SIN3A: variants seen among roughly 807,000 people sequenced by gnomAD.
The protein encoded by SIN3A is SIN3 transcription regulator family member A.
In SIN3A, 14 loss-of-function variants were observed where a neutral mutation model predicts 146.1. The observed-to-expected ratio is 0.10, with a 90% CI of 0.06 to 0.15. The LOEUF is 0.15. Ranked by LOEUF, SIN3A falls within the 10% of genes least tolerant of loss-of-function variation. SIN3A has a pLI of 1.00. For synonymous variants in SIN3A, 572 were observed against 572.0 expected, an observed-to-expected ratio of 1.00 and a Z score of 0.00; for missense variants, 1,028 against 1,576.0, an observed-to-expected ratio of 0.65 and a Z score of 5.89.
intron 2 of SIN3A, among the ~76,000 whole-genome samples, chr15:75,428,057 G>T (rs889673197): frequency 6.0e-5 from 9 of 150,940 alleles, no homozygotes; most frequent in African/African-American, 2.2e-4. Context: ...AATAAAAAAG[G>T]GCAAAAACCA....
chr15:75,376,917 C>T (rs2072872945), intron 19 of SIN3A, among the ~76,000 whole-genome samples: 1 of 148,630 alleles, frequency 6.7e-6, no homozygotes, highest in Non-Finnish European at 1.5e-5. Context: ...CAGTGAGAAT[C>T]TTTGTATACA....
rs1394724165 is a variant in SIN3A at position 75,409,820 on chromosome 15, T to G, written c.1317+16A>C. Reference sequence around the variant, plus strand: ...ACTTGTGAGTGTCAAAATGAGCAGCTGCTGCCCATTCTCACCTTAACTGGA... The same window carrying G: ...ACTTGTGAGTGTCAAAATGAGCAGCGGCTGCCCATTCTCACCTTAACTGGA... On this transcript the variant is annotated intron_variant, in intron 8 of 20. Coordinates refer to ENST00000394947, the MANE Select transcript of SIN3A (RefSeq NM_001145358.2). The G allele has an allele frequency of 1.5e-5, 24 of 1,610,364 alleles. No homozygotes were observed. The highest frequency in any genetic ancestry group is 2.0e-5 in the Non-Finnish European group (24 of 1,178,558).
At chr15:75,433,952 G>C (rs1028190460) in intron 1 of SIN3A, among the ~76,000 whole-genome samples, 5 of 152,146 alleles carry the variant, frequency 3.3e-5, no homozygotes, top group Non-Finnish European at 5.9e-5. Context: ...TTATAAGCAA[G>C]GTGTTCTCTA....
chr15:75,399,443 G>T (rs1380386663), intron 12 of SIN3A, among the ~76,000 whole-genome samples: 5 of 152,134 alleles, frequency 3.3e-5, no homozygotes, highest in Middle Eastern at 3.4e-3. Flanking sequence ...CAGGAGAATG[G>T]CATGAACCTG....
intron 6 of SIN3A, among the ~76,000 whole-genome samples, chr15:75,410,548 T>C (rs796582146): frequency 4.6e-5 from 7 of 151,932 alleles, no homozygotes; most frequent in Non-Finnish European, 7.4e-5. Context: ...GGAGTGCACT[T>C]GTCTCGGCCT....
At chr15:75,433,951 A>C (rs1475389112) in intron 1 of SIN3A, among the ~76,000 whole-genome samples, 1 of 152,222 alleles carries the variant, frequency 6.6e-6, no homozygotes, top group Non-Finnish European at 1.5e-5. Flanking sequence ...CTTATAAGCA[A>C]GGTGTTCTCT....
intron 1 of SIN3A, among the ~76,000 whole-genome samples, chr15:75,443,881 G>A (rs567779815): frequency 1.3e-5 from 2 of 152,198 alleles, no homozygotes; most frequent in African/African-American, 2.4e-5. Context: ...ACTGCCCTTC[G>A]GCCTGGGCAA....
rs142286030 is a variant in SIN3A, at chr15:75,372,177, C to G, written c.3624G>C (p.Gln1208His). ...SHERVSKRLHQRFQAWVDKWT... is the reference protein window; with the variant it reads ...SHERVSKRLHHRFQAWVDKWT... The stretch of plus-strand genomic sequence containing the variant: ...ATTTATCTACCCAGGCCTGGAATCT[C>G]TGATGTAGACGCTTGCTTACACGCT... Residue 1208 changes from glutamine (Q) to histidine (H), a missense_variant, in exon 21 of 21, where the codon CAG becomes CAC. Coordinates refer to ENST00000394947, the MANE Select transcript of SIN3A (RefSeq NM_001145358.2). 11 of 1,612,480 alleles carry G rather than the reference C, an allele frequency of 6.8e-6. No individual in the cohort carries two copies. Among genetic ancestry groups the G allele is most frequent in the Admixed American group, 6.7e-5 (4 of 59,896 alleles).
At chr15:75,447,403 AGAG>A (rs1403794038) in intron 1 of SIN3A, among the ~76,000 whole-genome samples, 2 of 152,248 alleles carry the variant, frequency 1.3e-5, no homozygotes, top group East Asian at 3.8e-4. Context: ...TAGTTATCCA[AGAG>A]GAGACATCGA....
intron 17 of SIN3A, 88 bp from the exon 18 acceptor site, chr15:75,381,793 A>G: frequency 9.2e-6 from 10 of 1,085,070 alleles, no homozygotes; most frequent in Non-Finnish European, 1.4e-5. Context: ...CAGAGGCAAT[A>G]AACTTAGTAA....
At chr15:75,432,929 C>A (rs1371361933) in intron 1 of SIN3A, among the ~76,000 whole-genome samples, 1 of 152,060 alleles carries the variant, frequency 6.6e-6, no homozygotes, top group East Asian at 1.9e-4. Context: ...GTAATCCCAG[C>A]TACTTGGGAC....
At chr15:75,384,094 ATTGTCCAGG>A (rs2073036252) in intron 17 of SIN3A, 161 bp downstream of exon 17, 1 of 438,092 alleles carries the variant, frequency 2.3e-6, no homozygotes, top group African/African-American at 2.0e-5. Flanking sequence ...AACAAAGTAG[ATTGTCCAGG>A]AAGACAATTA....
chr15:75,454,412 C>T (rs2074458003), upstream of SIN3A, among the ~76,000 whole-genome samples: 1 of 151,726 alleles, frequency 6.6e-6, no homozygotes, highest in Non-Finnish European at 1.5e-5. Flanking sequence ...CAGTCTGGGC[C>T]GAGGAGTGCA....
intron 1 of SIN3A, among the ~76,000 whole-genome samples, chr15:75,442,442 G>A (rs2074232923): frequency 6.6e-6 from 1 of 151,058 alleles, no homozygotes; most frequent in Non-Finnish European, 1.5e-5. Context: ...CAAGAAGGTG[G>A]GATTGCAGGC....
chr15:75,440,011 C>T (rs1420036020), intron 1 of SIN3A, among the ~76,000 whole-genome samples: 3 of 151,230 alleles, frequency 2.0e-5, no homozygotes, highest in Non-Finnish European at 2.9e-5. Context: ...ATTAGCTGGG[C>T]GTGGTAGCGG....
At position 75,382,936 on chromosome 15, in the gene SIN3A, CA is replaced by C. The variant is rs571025676; in HGVS notation, c.3196-1232del. On this transcript the variant is annotated intron_variant, in intron 17 of 20. Transcript: ENST00000394947. ...TGTCTCTACTAAACACACACACCCA[CA>C]CAAGCTGGCCATGGTGGCACGTGTC... 1.6e-4 allele frequency among the ~76,000 whole-genome samples: 24 copies of C among 152,150 alleles called. 1 individual carries two copies. In the South Asian group the frequency reaches 4.8e-3, roughly 30 times the overall value.
rs985300880 is a variant in SIN3A at position 75,400,092 on chromosome 15, T to C, written c.1802A>G (p.Lys601Arg). The change falls in exon 12 of 21, where the codon AAG (lysine) becomes AGG (arginine). Residue 601 changes from lysine to arginine, a missense_variant. Lys to Arg is a conservative substitution (Grantham distance 26, BLOSUM62 2). Around this residue, in one of 9 missense-constraint regions of SIN3A, gnomAD observed 157 missense variants for 284.8 expected, o/e 0.55. Coordinates refer to ENST00000394947, the MANE Select transcript of SIN3A (RefSeq NM_001145358.2). Reference sequence around the variant, plus strand: ...AATATGTTCTTCATATTGAGTCTTCTTGGAACTCACAAAGGTAGAGTCCTC... The same window carrying C: ...AATATGTTCTTCATATTGAGTCTTCCTGGAACTCACAAAGGTAGAGTCCTC... ...WSEDSTFVSS[K>R]KTQYEEHIYR... 1.2e-6 allele frequency: 2 copies of C among 1,612,476 alleles called. No homozygotes were observed. The highest frequency in any genetic ancestry group is 2.7e-5 in the African/African-American group (2 of 74,900).
At chr15:75,452,796 A>G (rs1317624299), upstream of SIN3A, among the ~76,000 whole-genome samples, 5 of 152,232 alleles carry the variant, frequency 3.3e-5, no homozygotes, top group Non-Finnish European at 5.9e-5. Flanking sequence ...GCCACGGCAT[A>G]AATTAACATT....
At chr15:75,438,467 T>C (rs1409379655) in intron 1 of SIN3A, among the ~76,000 whole-genome samples, 1 of 152,064 alleles carries the variant, frequency 6.6e-6, no homozygotes, top group Non-Finnish European at 1.5e-5. Context: ...GAGGATTGCT[T>C]GAGGCCAGGA....
Sources: gnomAD v4.1 joint callset for allele counts (sites outside exome capture counted in the v4.1 genomes callset) on GRCh38, gnomAD v4.1.1 for gene constraint, gnomAD v4.1.1 regional missense constraint, MANE v1.5 for transcripts, NCBI Gene and HGNC (gene_info 2026-07-23, HGNC 2026-07-21) for gene names.